MYO3B: variants seen among roughly 807,000 people sequenced by gnomAD.
MYO3B encodes myosin IIIB, also known as myosin-IIIb.
In MYO3B, 156 loss-of-function variants were observed where a neutral mutation model predicts 174.6. The observed-to-expected ratio is 0.89, with a 90% CI of 0.78 to 1.02. The LOEUF is 1.02. Among genes scored for constraint, MYO3B ranks in the 50% least tolerant of loss-of-function variants. The probability of loss-of-function intolerance (pLI) is 0.00; values close to 1 mark genes in which losing one functional copy is unlikely to be tolerated. For missense variants in MYO3B, 1,632 were observed against 1,639.4 expected (o/e 1.00, Z 0.08); for synonymous variants, 563 against 569.1 (o/e 0.99, Z 0.15).
At chr2:170,485,424 G>GAC (rs1460331552) in intron 25 of MYO3B, among the ~76,000 whole-genome samples, 1 of 136,066 alleles carries the variant, frequency 7.3e-6, no homozygotes, top group Non-Finnish European at 1.5e-5. Context: ...CACACACAGA[G>GAC]AGAGAGAGAG....
chr2:170,209,488 TTA>T (rs2092748852), intron 3 of MYO3B, among the ~76,000 whole-genome samples: 1 of 152,222 alleles, frequency 6.6e-6, no homozygotes, highest in African/African-American at 2.4e-5. Context: ...TTTCAGCTCT[TTA>T]TGAGTCCTGT....
intron 8 of MYO3B, among the ~76,000 whole-genome samples, chr2:170,368,105 AT>A (rs1413229231): frequency 6.6e-6 from 1 of 152,218 alleles, no homozygotes; most frequent in Non-Finnish European, 1.5e-5. Flanking sequence ...ACTTTTGAGG[AT>A]TGTTTCAAGA....
chr2:170,188,972 CT>C (rs2092505773), intron 1 of MYO3B, among the ~76,000 whole-genome samples: 1 of 152,192 alleles, frequency 6.6e-6, no homozygotes, highest in South Asian at 2.1e-4. Flanking sequence ...TTTATTCTTG[CT>C]TTTTGACATC....
At chr2:170,289,139 T>G (rs1296524508) in intron 7 of MYO3B, among the ~76,000 whole-genome samples, 1 of 152,144 alleles carries the variant, frequency 6.6e-6, no homozygotes, top group Admixed American at 6.6e-5. Context: ...TTTGTACATA[T>G]GTTCATCAGT....
intron 25 of MYO3B, among the ~76,000 whole-genome samples, chr2:170,483,993 C>T (rs1328400258): frequency 6.6e-6 from 1 of 152,186 alleles, no homozygotes; most frequent in Non-Finnish European, 1.5e-5. Context: ...TAGTTACTTA[C>T]AGTAAATATC....
At position 170,407,843 on chromosome 2, in the gene MYO3B, AG is replaced by A; in HGVS notation, c.2650+1del. On this transcript the variant is annotated frameshift_variant and splice_region_variant, in exon 22 of 35. Coordinates refer to ENST00000408978, the MANE Select transcript of MYO3B (RefSeq NM_138995.5). LOFTEE classifies it high-confidence loss of function. ...QLFSIPLTKT[G>X]NLAQTRARIT... ...TCTTCTCAATCCCTCTGACCAAAAC[AG>A]GTACTTGGGAACCCTCTGATAGCCC... 2 of 1,613,946 alleles carry A rather than the reference AG, an allele frequency of 1.2e-6. No homozygotes were observed. Among genetic ancestry groups the A allele is most frequent in the Non-Finnish European group, 1.7e-6 (2 of 1,179,824 alleles).
Position 170,434,464 on chromosome 2 carries a change from G to A in MYO3B, c.2651-9503G>A, listed in dbSNP as rs184109487. On this transcript the variant is annotated intron_variant, in intron 22 of 34. Transcript: ENST00000408978. Reference sequence around the variant, plus strand: ...AGGGGAAGGGGTTCTTATTCCTGACGCACGTGGCCCCTGCTGCTGTGTCAT... The same window carrying A: ...AGGGGAAGGGGTTCTTATTCCTGACACACGTGGCCCCTGCTGCTGTGTCAT... 7.3e-3 allele frequency among the ~76,000 whole-genome samples: 1,114 copies of A among 152,266 alleles called. 10 individuals carry two copies. Among genetic ancestry groups the A allele is most frequent in the South Asian group, 0.017 (82 of 4,820 alleles).
intron 25 of MYO3B, among the ~76,000 whole-genome samples, chr2:170,485,132 A>T (rs572979415): frequency 5.3e-5 from 8 of 152,232 alleles, no homozygotes; most frequent in Admixed American, 4.6e-4. Context: ...TGCAAGTAAT[A>T]TTGATCAAAT....
chr2:170,612,381 C>G (rs1213640918), intron 32 of MYO3B, among the ~76,000 whole-genome samples: 1 of 152,188 alleles, frequency 6.6e-6, no homozygotes, highest in East Asian at 1.9e-4. Context: ...TGTGCCCTGA[C>G]CTATGATTCC....
chr2:170,464,996 A>G (rs1169818909), intron 24 of MYO3B, among the ~76,000 whole-genome samples: 1 of 151,126 alleles, frequency 6.6e-6, no homozygotes, highest in Non-Finnish European at 1.5e-5. Flanking sequence ...CCTCCCACGT[A>G]GCTGGGACTA....
rs535775106 is a variant in MYO3B, at chr2:170,401,744, G to A, written c.2129+53G>A. ...CAGGAGAGCTGTCATTGACCCCGCC[G>A]TCTCTTAGAGTTTGCAAAAGGAAGC... On this transcript the variant is annotated intron_variant, in intron 18 of 34. Transcript: ENST00000408978. 2.1e-4 allele frequency: 316 copies of A among 1,508,088 alleles called. 1 individual carries two copies. The highest frequency in any genetic ancestry group is 1.2e-3 in the Admixed American group (66 of 56,512). 93.4% of individuals were successfully genotyped at this position (1,508,088 alleles called of 1,614,324 possible). A position where few individuals can be genotyped will look rare whatever the true frequency, so the allele number is the denominator to read the frequency against.
chr2:170,648,857 A>G (rs1313265033), intron 32 of MYO3B, among the ~76,000 whole-genome samples: 34 of 110,092 alleles, frequency 3.1e-4, no homozygotes, highest in Admixed American at 3.0e-3. Flanking sequence ...TATATATAGA[A>G]TATATTCTAT....
At chr2:170,233,481 G>C (rs994850779) in intron 6 of MYO3B, among the ~76,000 whole-genome samples, 6 of 152,228 alleles carry the variant, frequency 3.9e-5, no homozygotes, top group African/African-American at 9.6e-5. Flanking sequence ...CTTCTCTAGG[G>C]ATCTTTAAAA....
intron 8 of MYO3B, among the ~76,000 whole-genome samples, chr2:170,365,098 TC>T (rs1375758724): frequency 6.6e-6 from 1 of 152,198 alleles, no homozygotes; most frequent in African/African-American, 2.4e-5. Context: ...CAGGAAGTCT[TC>T]CCTGACTACA....
intron 32 of MYO3B, among the ~76,000 whole-genome samples, chr2:170,556,444 C>T (rs559011992): frequency 1.1e-3 from 168 of 152,264 alleles, no homozygotes; most frequent in African/African-American, 4.0e-3. Context: ...TACCATTTTG[C>T]ATTTCCTTCA....
At chr2:170,395,010 C>T (rs535713246) in intron 16 of MYO3B, among the ~76,000 whole-genome samples, 3 of 152,310 alleles carry the variant, frequency 2.0e-5, no homozygotes, top group Admixed American at 2.0e-4. Flanking sequence ...CACTAGTTCC[C>T]TGCAGGAATC....
At position 170,514,923 on chromosome 2, in the gene MYO3B, G is replaced by C; in HGVS notation, c.3373G>C (p.Asp1125His). Residue 1125 changes from aspartate (D) to histidine (H), a missense_variant and splice_region_variant, in exon 29 of 35, where the codon GAC becomes CAC. Asp to His is a moderately conservative substitution (Grantham distance 81). Transcript: ENST00000408978. ...AGTCTTTTTGTTTCATTCCACAGGGGACACTTCAAACCAAAGCAGTGGGCC... is the reference window on the plus strand; with the variant it reads ...AGTCTTTTTGTTTCATTCCACAGGGCACACTTCAAACCAAAGCAGTGGGCC... Reference protein sequence around the residue: ...NESAAHNQAGDTSNQSSGPHS... With the variant: ...NESAAHNQAGHTSNQSSGPHS... The C allele has an allele frequency of 6.2e-7, 1 of 1,613,486 alleles. No homozygotes were observed. The highest frequency in any genetic ancestry group is 8.5e-7 in the Non-Finnish European group (1 of 1,179,676).
intron 8 of MYO3B, chr2:170,340,994 G>A (rs1240760928): frequency 1.3e-5 from 2 of 152,148 alleles, no homozygotes; most frequent in Non-Finnish European, 2.9e-5. Context: ...AAATGTTGAA[G>A]CAGTCTTTCC....
chr2:170,467,841 A>G (rs1275205604), intron 25 of MYO3B, among the ~76,000 whole-genome samples: 2 of 147,164 alleles, frequency 1.4e-5, no homozygotes, highest in Non-Finnish European at 3.0e-5. Flanking sequence ...AGTTCCTTGC[A>G]ATGAGAGCTT....
Sources: allele counts gnomAD v4.1 joint callset (sites outside exome capture counted in the v4.1 genomes callset), GRCh38; gene constraint gnomAD v4.1.1; transcripts MANE v1.5; gene names NCBI Gene and HGNC (gene_info 2026-07-23, HGNC 2026-07-21).